The following ANKS1A variants were observed in gnomAD, a reference collection of about 807,000 sequenced individuals.
ANKS1A encodes the protein ankyrin repeat and sterile alpha motif domain containing 1A, also known as ankyrin repeat and SAM domain-containing protein 1A.
ANKS1A carries 55 observed loss-of-function variants against 120.3 expected under a neutral mutation model. That is an observed-to-expected ratio of 0.46 (90% CI 0.37 to 0.57). The LOEUF is 0.57. Among genes scored for constraint, ANKS1A ranks in the 20% least tolerant of loss-of-function variants. The pLI is 0.00. For synonymous variants in ANKS1A, 590 were observed against 604.7 expected (o/e 0.98, Z 0.36); for missense variants, 1,123 against 1,480.3 (o/e 0.76, Z 3.96).
At position 35,089,625 on chromosome 6, in the gene ANKS1A, T is replaced by C; in HGVS notation, c.*1016T>C. ...TGCTGGGCCCATCCCTGGCCCCCGG[T>C]GTGGAAAAGGCTAAATAAGGTGACA... On this transcript the variant is annotated 3_prime_UTR_variant, in exon 24 of 24. Coordinates refer to ENST00000360359, the MANE Select transcript of ANKS1A (RefSeq NM_015245.3). 1 of 986,846 alleles carries C rather than the reference T, an allele frequency of 1.0e-6. No individual in the cohort carries two copies. Among genetic ancestry groups the C allele is most frequent in the Non-Finnish European group, 1.2e-6 (1 of 830,646 alleles). 61.1% of individuals were successfully genotyped at this position (986,846 alleles called of 1,614,324 possible). A position where few individuals can be genotyped will look rare whatever the true frequency, so the allele number is the denominator to read the frequency against.
In ANKS1A at chr6:34,944,637, A is replaced by G. The variant is rs979484574; in HGVS notation, c.198-22602A>G. Among the ~76,000 whole-genome samples, 11 of 152,298 alleles carry G rather than the reference A, an allele frequency of 7.2e-5. 1 individual carries two copies. Among genetic ancestry groups the G allele is most frequent in the Non-Finnish European group, 2.9e-5 (2 of 68,016 alleles). On this transcript the variant is annotated intron_variant, in intron 1 of 23. Transcript: ENST00000360359. ...GTTCCAGGACTCTCCTGCATATACC[A>G]AAATCTGTGCATACCCAAGTTTCTC...
At chr6:35,093,695 C>T (rs1267363355), downstream of ANKS1A, among the ~76,000 whole-genome samples, 1 of 152,062 alleles carries the variant, frequency 6.6e-6, no homozygotes, top group Non-Finnish European at 1.5e-5. Context: ...CGATTAAAAC[C>T]CCCAGTGGAA....
At chr6:34,945,312 A>C (rs1043274922) in intron 1 of ANKS1A, among the ~76,000 whole-genome samples, 3 of 152,190 alleles carry the variant, frequency 2.0e-5, no homozygotes, top group African/African-American at 7.2e-5. Context: ...TCCTGGGCTC[A>C]AGCAGTCTTC....
In ANKS1A at chr6:35,089,634, G is replaced by A. The variant is rs921510727; in HGVS notation, c.*1025G>A. 1 of 987,376 alleles carries A rather than the reference G, an allele frequency of 1.0e-6. No individual in the cohort carries two copies. The highest frequency in any genetic ancestry group is 1.2e-6 in the Non-Finnish European group (1 of 831,088). The allele number at this position is 987,376 out of a possible 1,614,324, so 61.2% of individuals were successfully genotyped here. On this transcript the variant is annotated 3_prime_UTR_variant, in exon 24 of 24. Transcript: ENST00000360359. Reference sequence around the variant, plus strand: ...CATCCCTGGCCCCCGGTGTGGAAAAGGCTAAATAAGGTGACAGTGCATCGA... The same window carrying A: ...CATCCCTGGCCCCCGGTGTGGAAAAAGCTAAATAAGGTGACAGTGCATCGA...
chr6:34,986,613 G>T (rs1772216053), intron 8 of ANKS1A, among the ~76,000 whole-genome samples: 1 of 152,198 alleles, frequency 6.6e-6, no homozygotes, highest in Admixed American at 6.5e-5. Flanking sequence ...TTGCAGGTGT[G>T]CCCTGGGAAT....
intron 1 of ANKS1A, among the ~76,000 whole-genome samples, chr6:34,920,555 A>C (rs1768383911): frequency 6.6e-6 from 1 of 152,128 alleles, no homozygotes; most frequent in African/African-American, 2.4e-5. Flanking sequence ...AGATGCACCA[A>C]GGTGTTTGGA....
At chr6:35,096,219 A>G, downstream of ANKS1A, among the ~76,000 whole-genome samples, 1 of 152,110 alleles carries the variant, frequency 6.6e-6, no homozygotes, top group Admixed American at 6.5e-5. Context: ...CTCTTTGGTG[A>G]GTTGTTTTTC....
At position 35,083,174 on chromosome 6, in the gene ANKS1A, T is replaced by C; in HGVS notation, c.2855T>C (p.Ile952Thr). Residue 952 changes from isoleucine (I) to threonine (T), a missense_variant, in exon 19 of 24, where the codon ATC becomes ACC. Ile to Thr is a moderately conservative substitution (Grantham distance 89, BLOSUM62 -1). This residue lies in a region of ANKS1A where 904 missense variants were observed against 1,130.4 expected (regional missense o/e 0.80). Transcript: ENST00000360359. ...CCACAGTATCTGGGCTCCATGCTGA[T>C]CAAAGATCTGCGAGGGACAGAATCC... ...YEANYLGSML[I>T]KDLRGTESTQ... 2 of 1,614,132 alleles carry C rather than the reference T, an allele frequency of 1.2e-6. No homozygotes were observed. Among genetic ancestry groups the C allele is most frequent in the Non-Finnish European group, 1.7e-6 (2 of 1,180,026 alleles).
intron 23 of ANKS1A, among the ~76,000 whole-genome samples, chr6:35,088,254 G>A (rs1204242364): frequency 1.3e-5 from 2 of 152,226 alleles, no homozygotes; most frequent in African/African-American, 4.8e-5. Context: ...TCTCCAGTGT[G>A]GGCAAATCAG....
intron 13 of ANKS1A, among the ~76,000 whole-genome samples, chr6:35,062,459 C>T (rs1220053316): frequency 1.3e-5 from 2 of 152,232 alleles, no homozygotes; most frequent in Non-Finnish European, 2.9e-5. Flanking sequence ...GCATTAGCTA[C>T]AGTGGATCCC....
intron 3 of ANKS1A, among the ~76,000 whole-genome samples, chr6:34,979,223 A>C (rs904287058): frequency 1.3e-5 from 2 of 152,124 alleles, no homozygotes; most frequent in Non-Finnish European, 2.9e-5. Context: ...GCTCCCATGT[A>C]ATTCCAAAAT....
rs1444022557 is a variant in ANKS1A, at chr6:35,088,819, G to A, written c.*210G>A. On this transcript the variant is annotated 3_prime_UTR_variant, in exon 24 of 24. Coordinates refer to ENST00000360359, the MANE Select transcript of ANKS1A (RefSeq NM_015245.3). ...TGGCTGTGGAGAAGCACTCCAGGCC[G>A]CTAGCAGATGGGACTGGCATTCCAG... 10 of 1,477,498 alleles carry A rather than the reference G, an allele frequency of 6.8e-6. No homozygotes were observed. The highest frequency in any genetic ancestry group is 2.1e-4 in the Middle Eastern group (1 of 4,860). 91.5% of individuals were successfully genotyped at this position (1,477,498 alleles called of 1,614,324 possible).
chr6:34,983,309 G>T lies in ANKS1A; in HGVS notation c.911-15G>T, dbSNP rs770185043. 3 of 1,612,664 alleles carry T rather than the reference G, an allele frequency of 1.9e-6. No homozygotes were observed. The highest frequency in any genetic ancestry group is 2.5e-6 in the Non-Finnish European group (3 of 1,179,412). On this transcript the variant is annotated splice_polypyrimidine_tract_variant and intron_variant, in intron 6 of 23. Transcript: ENST00000360359. ...GCAGCACTTTTTATTTTTATTTTTT[G>T]ATCTTTCCATGTAGATCACATGACT...
chr6:34,965,647 G>A (rs941097724), intron 1 of ANKS1A, among the ~76,000 whole-genome samples: 5 of 152,044 alleles, frequency 3.3e-5, no homozygotes, highest in Admixed American at 6.6e-5. Context: ...CACCGTACCC[G>A]GCCAAAATTT....
chr6:35,080,370 C>A (rs564324225), intron 16 of ANKS1A, among the ~76,000 whole-genome samples: 1 of 152,344 alleles, frequency 6.6e-6, no homozygotes, highest in South Asian at 2.1e-4. Context: ...TTCCTGACAA[C>A]AGAAACGGGT....
intron 13 of ANKS1A, among the ~76,000 whole-genome samples, chr6:35,073,576 T>C (rs1046266598): frequency 2.0e-5 from 3 of 152,218 alleles, no homozygotes; most frequent in Non-Finnish European, 4.4e-5. Flanking sequence ...GCCGGAAGAC[T>C]AGTTGTGTGT....
At chr6:34,944,943 T>G (rs1190889565) in intron 1 of ANKS1A, among the ~76,000 whole-genome samples, 3 of 152,238 alleles carry the variant, frequency 2.0e-5, no homozygotes, top group Non-Finnish European at 4.4e-5. Flanking sequence ...TTATCAGTGT[T>G]TTCATGGATC....
chr6:35,011,856 G>A (rs946987165), intron 10 of ANKS1A, among the ~76,000 whole-genome samples: 3 of 152,242 alleles, frequency 2.0e-5, no homozygotes, highest in South Asian at 2.1e-4. Flanking sequence ...TGCTTCCCAC[G>A]GGCCAGCTGC....
At chr6:34,983,456 G>A (rs375941191) in intron 7 of ANKS1A, 31 bp downstream of exon 7, 105 of 1,531,590 alleles carry the variant, frequency 6.9e-5, no homozygotes, top group Middle Eastern at 3.5e-4. Context: ...GAGTAAAGGG[G>A]TGCTCAGCTT....
Sources: gnomAD v4.1 joint callset for allele counts (sites outside exome capture counted in the v4.1 genomes callset) on GRCh38, gnomAD v4.1.1 for gene constraint, gnomAD v4.1.1 regional missense constraint, MANE v1.5 for transcripts, NCBI Gene and HGNC (gene_info 2026-07-23, HGNC 2026-07-21) for gene names.